Variants in SYT16 observed in about 807,000 individuals in gnomAD.
SYT16 encodes the protein synaptotagmin 16.
A neutral mutation model predicts 61.4 loss-of-function variants in SYT16; 42 were observed. The observed-to-expected ratio is 0.68, with a 90% confidence interval of 0.53 to 0.89. The LOEUF (loss-of-function observed/expected upper bound fraction) is 0.89. Among genes scored for constraint, SYT16 ranks in the 40% least tolerant of loss-of-function variants. The probability of loss-of-function intolerance (pLI) is 0.00; values close to 1 mark genes in which losing one functional copy is unlikely to be tolerated. For synonymous variants in SYT16, 314 were observed against 302.3 expected, an observed-to-expected ratio of 1.04 and a Z score of -0.40; for missense variants, 804 against 807.3, an observed-to-expected ratio of 1.00 and a Z score of 0.05.
At position 62,045,525 on chromosome 14, in the gene SYT16, A is replaced by G. The variant is rs547484169; in HGVS notation, c.524-24078A>G. On this transcript the variant is annotated intron_variant, in intron 3 of 7. Transcript: ENST00000683842. ...GTGCAGGTTTGTTACATATGTATAC[A>G]TGTGCCATGTTGGTGTGCTGTACCC... 9.9e-5 allele frequency among the ~76,000 whole-genome samples: 15 copies of G among 152,262 alleles called. No individual in the cohort carries two copies. In the Middle Eastern group the frequency reaches 0.014, roughly 138 times the overall value.
chr14:61,904,369 G>A (rs2048626565), intron 1 of SYT16, among the ~76,000 whole-genome samples: 1 of 152,140 alleles, frequency 6.6e-6, no homozygotes, highest in African/African-American at 2.4e-5. Flanking sequence ...TTCCTTTCAG[G>A]GCCTCGGCAG....
At chr14:61,932,949 G>T (rs1169449291) in intron 1 of SYT16, among the ~76,000 whole-genome samples, 2 of 152,152 alleles carry the variant, frequency 1.3e-5, no homozygotes, top group African/African-American at 4.8e-5. Flanking sequence ...GTCATAGTTA[G>T]CTTTGGCTGT....
intron 6 of SYT16, among the ~76,000 whole-genome samples, chr14:62,083,395 C>T (rs573245215): frequency 2.0e-5 from 3 of 152,292 alleles, no homozygotes; most frequent in East Asian, 1.9e-4. Flanking sequence ...ATTCCTACTC[C>T]CGTGCCTTGA....
chr14:61,895,088 T>C (rs1412349855), intron 1 of SYT16, among the ~76,000 whole-genome samples: 2 of 152,124 alleles, frequency 1.3e-5, no homozygotes, highest in African/African-American at 4.8e-5. Context: ...AGAAACCTCA[T>C]TTTTGGAAGT....
intron 1 of SYT16, among the ~76,000 whole-genome samples, chr14:61,943,893 C>G (rs533160148): frequency 2.6e-5 from 4 of 152,180 alleles, no homozygotes; most frequent in Admixed American, 1.3e-4. Flanking sequence ...GGCAATCAGG[C>G]AAGAGAAAGA....
At chr14:62,035,646 T>C (rs1264215536) in intron 3 of SYT16, among the ~76,000 whole-genome samples, 1 of 152,192 alleles carries the variant, frequency 6.6e-6, no homozygotes, top group Non-Finnish European at 1.5e-5. Context: ...CGCATTGCTT[T>C]GTAAGCTATT....
chr14:61,959,014 T>A (rs982563387), intron 1 of SYT16, among the ~76,000 whole-genome samples: 1 of 152,144 alleles, frequency 6.6e-6, no homozygotes, highest in Non-Finnish European at 1.5e-5. Flanking sequence ...CTTCTTTGTC[T>A]CTTGTGACAG....
rs1323738593 is a variant in SYT16, at chr14:62,108,535, G to A, written c.*7828G>A. On this transcript the variant is annotated 3_prime_UTR_variant, in exon 8 of 8. Coordinates refer to ENST00000683842, the MANE Select transcript of SYT16 (RefSeq NM_001367656.1). The stretch of plus-strand genomic sequence containing the variant: ...GTGTTTCTTTGTCAAGTTCCTTATA[G>A]CCAATGCCTTGACCAAAGCTTACTA... 6.6e-6 allele frequency: 1 copy of A among 152,032 alleles called. No homozygotes were observed. Among genetic ancestry groups the A allele is most frequent in the African/African-American group, 2.4e-5 (1 of 41,412 alleles). 9.4% of individuals were successfully genotyped at this position (152,032 alleles called of 1,614,324 possible). A position where few individuals can be genotyped will look rare whatever the true frequency, so the allele number is the denominator to read the frequency against.
At chr14:62,006,298 G>T (rs2053223408) in intron 3 of SYT16, among the ~76,000 whole-genome samples, 2 of 152,062 alleles carry the variant, frequency 1.3e-5, no homozygotes, top group South Asian at 4.1e-4. Context: ...TAGTACATGG[G>T]CTGCTTTGCA....
intron 1 of SYT16, among the ~76,000 whole-genome samples, chr14:61,862,290 A>C (rs777871066): frequency 6.6e-6 from 1 of 152,110 alleles, no homozygotes. Context: ...CACCTCCCGG[A>C]CCCTGGAAAC....
chr14:62,005,234 T>C lies in SYT16; in HGVS notation c.523+8692T>C, dbSNP rs1264409619. 2.6e-5 allele frequency among the ~76,000 whole-genome samples: 4 copies of C among 152,186 alleles called. No homozygotes were observed. The East Asian group carries it at 7.7e-4, about 29-fold the overall frequency. The stretch of plus-strand genomic sequence containing the variant: ...TAGAGCAGGTCCTATCTAAACATTT[T>C]CTGGCTTACTAGGCTGCCCTTTTCC... On this transcript the variant is annotated intron_variant, in intron 3 of 7. Transcript: ENST00000683842.
intron 1 of SYT16, among the ~76,000 whole-genome samples, chr14:61,896,373 C>A (rs373880712): frequency 6.6e-6 from 1 of 152,188 alleles, no homozygotes; most frequent in Admixed American, 6.5e-5. Flanking sequence ...TTGCCTACTT[C>A]ATTTCCACAT....
chr14:62,047,441 C>G (rs1269648012), intron 3 of SYT16, among the ~76,000 whole-genome samples: 1 of 152,174 alleles, frequency 6.6e-6, no homozygotes, highest in African/African-American at 2.4e-5. Context: ...TTGACTTCCT[C>G]TTTTCCTAAT....
chr14:61,975,677 G>A (rs1037867228), intron 2 of SYT16, among the ~76,000 whole-genome samples: 5 of 152,110 alleles, frequency 3.3e-5, no homozygotes, highest in African/African-American at 4.8e-5. Flanking sequence ...TTTCTCCCTT[G>A]ACATGTGGGG....
intron 1 of SYT16, among the ~76,000 whole-genome samples, chr14:61,904,603 G>T (rs1444533186): frequency 6.6e-6 from 1 of 152,194 alleles, no homozygotes; most frequent in African/African-American, 2.4e-5. Context: ...ATAAAGGGGA[G>T]CTACCAAGGA....
At position 62,005,641 on chromosome 14, in the gene SYT16, T is replaced by C. The variant is rs542306792; in HGVS notation, c.523+9099T>C. Among the ~76,000 whole-genome samples, 13 of 152,088 alleles carry C rather than the reference T, an allele frequency of 8.5e-5. No homozygotes were observed. In the South Asian group the frequency reaches 2.7e-3, roughly 32 times the overall value. On this transcript the variant is annotated intron_variant, in intron 3 of 7. Coordinates refer to ENST00000683842, the MANE Select transcript of SYT16 (RefSeq NM_001367656.1). ...CAGGCAAAATAAGAGCAGTAGAAAA[T>C]GATAAAGAGTGGTGTGGGTGTGTAA...
intron 3 of SYT16, among the ~76,000 whole-genome samples, chr14:62,048,629 C>T (rs2055114828): frequency 2.0e-5 from 3 of 152,272 alleles, no homozygotes; most frequent in Middle Eastern, 6.8e-3. Context: ...TATAAAGTTC[C>T]CTCTACACAC....
intron 1 of SYT16, among the ~76,000 whole-genome samples, chr14:61,908,420 A>G (rs1412345039): frequency 1.3e-5 from 2 of 152,148 alleles, no homozygotes; most frequent in African/African-American, 4.8e-5. Context: ...GTTTTTTTAA[A>G]GTCATTTCAG....
At position 61,855,330 on chromosome 14, in the gene SYT16, G is replaced by C. The variant is rs181946028; in HGVS notation, c.-325+42520G>C. Reference sequence around the variant, plus strand: ...ACAGATGCTCCTTGACTTATGATGGGGTTGTGTCCTGATCAACCCATCGTA... The same window carrying C: ...ACAGATGCTCCTTGACTTATGATGGCGTTGTGTCCTGATCAACCCATCGTA... On this transcript the variant is annotated intron_variant, in intron 1 of 7. Transcript: ENST00000683842. 8.9e-3 allele frequency among the ~76,000 whole-genome samples: 1,347 copies of C among 152,164 alleles called. 10 individuals are homozygous for C. The highest frequency in any genetic ancestry group is 0.013 in the Non-Finnish European group (906 of 68,006).
Sources: allele counts gnomAD v4.1 joint callset (sites outside exome capture counted in the v4.1 genomes callset), GRCh38; gene constraint gnomAD v4.1.1; transcripts MANE v1.5; gene names NCBI Gene and HGNC (gene_info 2026-07-23, HGNC 2026-07-21).